Variants in PTPRB observed in about 807,000 individuals in gnomAD.
The protein encoded by PTPRB is receptor-type tyrosine-protein phosphatase beta.
In PTPRB, 97 loss-of-function variants were observed where a neutral mutation model predicts 238.1. The ratio of observed to expected loss-of-function variants is 0.41; its 90% CI spans 0.35 to 0.48. The LOEUF is 0.48. PTPRB is among the 20% of genes least tolerant of loss of function. The probability of loss-of-function intolerance (pLI) is 0.30; values close to 1 mark genes in which losing one functional copy is unlikely to be tolerated. For missense variants in PTPRB, 2,292 were observed against 2,681.9 expected, an observed-to-expected ratio of 0.85 and a Z score of 3.21; for synonymous variants, 970 against 995.4, an observed-to-expected ratio of 0.97 and a Z score of 0.48.
intron 10 of PTPRB, among the ~76,000 whole-genome samples, chr12:70,580,735 C>G (rs12581721): frequency 2.0e-5 from 3 of 151,730 alleles, no homozygotes; most frequent in Non-Finnish European, 2.9e-5. Flanking sequence ...AGGAGAATTG[C>G]TGAACCCAGG....
chr12:70,579,695 C>CAAAAAAAAAAAAAAAAA (rs35887706), intron 10 of PTPRB, among the ~76,000 whole-genome samples: 1 of 91,016 alleles, frequency 1.1e-5, no homozygotes, highest in Non-Finnish European at 2.2e-5. Context: ...GACTCCATCT[C>CAAAAAAAAAAAAAAAAA]AAAAAAAAAA....
At chr12:70,529,126 T>C (rs1405740528) in intron 32 of PTPRB, among the ~76,000 whole-genome samples, 1 of 151,988 alleles carries the variant, frequency 6.6e-6, no homozygotes, top group African/African-American at 2.4e-5. Context: ...ACTCAAACAT[T>C]AAGAAGGCAA....
intron 3 of PTPRB, among the ~76,000 whole-genome samples, chr12:70,617,054 A>G (rs1592596774): frequency 1.3e-5 from 2 of 152,222 alleles, no homozygotes; most frequent in Non-Finnish European, 2.9e-5. Flanking sequence ...TCCCGTATAA[A>G]TGGACCTGCA....
intron 2 of PTPRB, among the ~76,000 whole-genome samples, chr12:70,631,256 G>T: frequency 6.6e-6 from 1 of 152,126 alleles, no homozygotes; most frequent in Non-Finnish European, 1.5e-5. Flanking sequence ...ACCGAACAGA[G>T]CCCTCAGAAA....
chr12:70,556,125 G>T lies in PTPRB; in HGVS notation c.4738C>A (p.His1580Asn), dbSNP rs764189855. Residue 1580 changes from histidine (H) to asparagine (N), a missense_variant, in exon 19 of 34, where the codon CAT (histidine) becomes AAT (asparagine). His to Asn is a moderately conservative substitution (Grantham distance 68). Coordinates refer to ENST00000334414, the MANE Select transcript of PTPRB (RefSeq NM_001109754.4). ...RTKPDKIQNL[H>N]CRPQNSTAIA... Reference sequence around the variant, plus strand: ...GCCGTGGAGTTCTGAGGCCGGCAATGCAGGTTTTGTATCTTGTCAGGCTCT... The same window carrying T: ...GCCGTGGAGTTCTGAGGCCGGCAATTCAGGTTTTGTATCTTGTCAGGCTCT... 20 of 1,613,622 alleles carry T rather than the reference G, an allele frequency of 1.2e-5. No homozygotes were observed. The East Asian group carries it at 3.8e-4, about 31-fold the overall frequency.
intron 7 of PTPRB, chr12:70,591,831 G>A (rs1311527150): frequency 1.2e-5 from 2 of 163,630 alleles, no homozygotes; most frequent in Non-Finnish European, 2.7e-5. Context: ...GGGGTAGTCT[G>A]CTGGATCCTG....
At chr12:70,536,451 G>T (rs1195537023) in intron 28 of PTPRB, among the ~76,000 whole-genome samples, 13 of 151,978 alleles carry the variant, frequency 8.6e-5, no homozygotes, top group Admixed American at 1.3e-4. Context: ...TGTGTGTTGG[G>T]GGGTATTTGT....
chr12:70,585,599 G>A (rs1450560305), intron 9 of PTPRB, among the ~76,000 whole-genome samples: 1 of 151,896 alleles, frequency 6.6e-6, no homozygotes, highest in South Asian at 2.1e-4. Context: ...TGTGAAGAAG[G>A]TGCCTGCTTC....
rs747369393 is a variant in PTPRB at position 70,538,917 on chromosome 12, A to AACTT, written c.5869+3_5869+6dup. ...GACAGTATTACAAATTTTGACACAA[A>AACTT]ACTTACAGGGCAATATATTGTTGTA... On this transcript the variant is annotated splice_region_variant and intron_variant, in intron 27 of 33. Transcript: ENST00000334414. 9.3e-6 allele frequency: 15 copies of AACTT among 1,607,886 alleles called. No individual in the cohort carries two copies. Among genetic ancestry groups the AACTT allele is most frequent in the Non-Finnish European group, 1.1e-5 (13 of 1,175,874 alleles).
At chr12:70,524,382 T>C in intron 33 of PTPRB, 89 bp downstream of exon 33, 1 of 1,379,948 alleles carries the variant, frequency 7.2e-7, no homozygotes, top group African/African-American at 1.5e-5. Context: ...CCCAAAGTGC[T>C]GGGATTACAG....
At position 70,518,668 on chromosome 12, in the gene PTPRB, T is replaced by C. The variant is rs938069482; in HGVS notation, c.*2821A>G. ...TGCAAGCCCAGGTAAGAGAGGTGAGTCTTTGAAAATTCTGATTCAAGAGCT... is the reference window on the plus strand; with the variant it reads ...TGCAAGCCCAGGTAAGAGAGGTGAGCCTTTGAAAATTCTGATTCAAGAGCT... On this transcript the variant is annotated 3_prime_UTR_variant, in exon 34 of 34. Coordinates refer to ENST00000334414, the MANE Select transcript of PTPRB (RefSeq NM_001109754.4). 3 of 151,872 alleles carry C rather than the reference T, an allele frequency of 2.0e-5. No homozygotes were observed. Among genetic ancestry groups the C allele is most frequent in the African/African-American group, 7.3e-5 (3 of 41,322 alleles). 9.4% of individuals were successfully genotyped at this position (151,872 alleles called of 1,614,324 possible).
chr12:70,552,738 G>A (rs763178606), intron 21 of PTPRB, 39 bp downstream of exon 21: 7 of 1,608,942 alleles, frequency 4.4e-6, no homozygotes, highest in Non-Finnish European at 5.9e-6. Context: ...TAGTAATGTA[G>A]CATGTCCCTT....
chr12:70,559,963 A>G (rs1878266779), intron 17 of PTPRB, among the ~76,000 whole-genome samples: 2 of 151,378 alleles, frequency 1.3e-5, no homozygotes, highest in African/African-American at 4.9e-5. Flanking sequence ...CAGCCTCCCA[A>G]GTAGCTGGGA....
chr12:70,586,254 A>T (rs575784071), intron 9 of PTPRB, among the ~76,000 whole-genome samples: 3 of 152,230 alleles, frequency 2.0e-5, no homozygotes, highest in Non-Finnish European at 4.4e-5. Context: ...AATAGTTTAC[A>T]GTCCCACCAA....
At position 70,616,288 on chromosome 12, in the gene PTPRB, T is replaced by C. The variant is rs1304474979; in HGVS notation, c.708+6102A>G. Among the ~76,000 whole-genome samples, 4 of 152,164 alleles carry C rather than the reference T, an allele frequency of 2.6e-5. No homozygotes were observed. The East Asian group carries it at 7.7e-4, about 29-fold the overall frequency. ...GGAACAATTCCTCAGTCTTTTAAAA[T>C]GACCATTCTGACATTGGCCTTTTCG... is the stretch of plus-strand genomic sequence containing the variant. On this transcript the variant is annotated intron_variant, in intron 3 of 33. Transcript: ENST00000334414.
Position 70,594,577 on chromosome 12 carries a change from T to G in PTPRB, c.1406A>C (p.His469Pro), listed in dbSNP as rs1280124999. 1 of 1,613,988 alleles carries G rather than the reference T, an allele frequency of 6.2e-7. No individual in the cohort carries two copies. Among genetic ancestry groups the G allele is most frequent in the South Asian group, 1.1e-5 (1 of 91,078 alleles). ...ILVHGGVVDKHATSYAFHGLT... is the reference protein window; with the variant it reads ...ILVHGGVVDKPATSYAFHGLT... ...CCCGTGAAAAGCATAGGAAGTAGCA[T>G]GTTTGTCCACAACACCGCCATGAAC... The change falls in exon 6 of 34, where the codon CAT (histidine) becomes CCT (proline). Residue 469 changes from histidine (H) to proline (P), a missense_variant. Transcript: ENST00000334414.
intron 9 of PTPRB, among the ~76,000 whole-genome samples, chr12:70,582,350 A>T (rs1262829264): frequency 6.6e-6 from 1 of 152,186 alleles, no homozygotes; most frequent in Non-Finnish European, 1.5e-5. Context: ...TATGAAAGGC[A>T]AACAGCTACA....
At chr12:70,588,723 T>C (rs377068988) in intron 8 of PTPRB, among the ~76,000 whole-genome samples, 1 of 151,994 alleles carries the variant, frequency 6.6e-6, no homozygotes, top group East Asian at 1.9e-4. Flanking sequence ...GAGGCCAAGG[T>C]AGGCGGACTG....
intron 3 of PTPRB, among the ~76,000 whole-genome samples, chr12:70,618,356 C>T (rs1884770809): frequency 6.6e-6 from 1 of 152,154 alleles, no homozygotes; most frequent in Non-Finnish European, 1.5e-5. Context: ...GTGATCTGCT[C>T]ACCTCGGCCT....
Sources: allele counts gnomAD v4.1 joint callset (sites outside exome capture counted in the v4.1 genomes callset), GRCh38; gene constraint gnomAD v4.1.1; transcripts MANE v1.5; gene names NCBI Gene and HGNC (gene_info 2026-07-23, HGNC 2026-07-21).